The following TRIO variants were observed in gnomAD, a reference collection of about 807,000 sequenced individuals.
The protein encoded by TRIO is triple functional domain protein.
Under a neutral mutation model 351.9 loss-of-function variants are expected in TRIO, and 58 were observed. That is an observed-to-expected ratio of 0.16 (90% CI 0.13 to 0.21). TRIO has a LOEUF of 0.21. Among genes scored for constraint, TRIO ranks in the 10% least tolerant of loss-of-function variants. The probability of loss-of-function intolerance (pLI) is 1.00; values close to 1 mark genes in which losing one functional copy is unlikely to be tolerated. For synonymous variants in TRIO, 1,758 were observed against 1,595.7 expected, an observed-to-expected ratio of 1.10 and a Z score of -2.42; for missense variants, 3,201 against 4,027.8, an observed-to-expected ratio of 0.79 and a Z score of 5.56.
chr5:14,481,612 A>T lies in TRIO; in HGVS notation c.6459A>T (p.Gly2153=), dbSNP rs1247708936. The T allele has an allele frequency of 1.2e-6, 2 of 1,613,980 alleles. No individual in the cohort carries two copies. The highest frequency in any genetic ancestry group is 1.7e-6 in the Non-Finnish European group (2 of 1,179,968). ...NDMMNVGRLQ[G]FDGKIVAQGK... The stretch of plus-strand genomic sequence containing the variant: ...TGATGAACGTGGGGCGGCTGCAAGG[A>T]TTCGACGTAATGCGGCTCTTGTTTT... Residue 2153 remains glycine (G), a synonymous_variant, in exon 45 of 57, where the codon GGA becomes GGT. Coordinates refer to ENST00000344204, the MANE Select transcript of TRIO (RefSeq NM_007118.4).
intron 1 of TRIO, among the ~76,000 whole-genome samples, chr5:14,156,138 C>G (rs1460581947): frequency 6.6e-6 from 1 of 151,506 alleles, no homozygotes; most frequent in Admixed American, 6.5e-5. Flanking sequence ...CTAGTGGGAG[C>G]CCCTTCATCC....
intron 11 of TRIO, among the ~76,000 whole-genome samples, chr5:14,352,731 C>T (rs1005987892): frequency 5.3e-5 from 8 of 152,208 alleles, no homozygotes; most frequent in Non-Finnish European, 1.0e-4. Flanking sequence ...CCTTCTGCCT[C>T]ATTTAGTTTG....
At chr5:14,179,018 G>A (rs1789583943) in intron 1 of TRIO, among the ~76,000 whole-genome samples, 1 of 152,194 alleles carries the variant, frequency 6.6e-6, no homozygotes, top group Non-Finnish European at 1.5e-5. Flanking sequence ...GAGCTCAGAA[G>A]GGGGTCTTTG....
At chr5:14,149,351 A>G (rs891291610) in intron 1 of TRIO, among the ~76,000 whole-genome samples, 1 of 152,202 alleles carries the variant, frequency 6.6e-6, no homozygotes, top group Non-Finnish European at 1.5e-5. Context: ...TCTTGCTCTC[A>G]TGTTTAATGG....
At chr5:14,175,333 C>T (rs1421511287) in intron 1 of TRIO, among the ~76,000 whole-genome samples, 2 of 152,116 alleles carry the variant, frequency 1.3e-5, no homozygotes, top group Non-Finnish European at 1.5e-5. Context: ...TTCTAAAAGG[C>T]GTTTTCTAAT....
intron 1 of TRIO, among the ~76,000 whole-genome samples, chr5:14,203,542 T>A (rs192700932): frequency 2.0e-5 from 3 of 152,258 alleles, no homozygotes; most frequent in Non-Finnish European, 2.9e-5. Flanking sequence ...AGAGATCTTA[T>A]GTTCACCTGT....
At chr5:14,390,446 C>A in intron 26 of TRIO, 146 bp downstream of exon 26, 1 of 699,304 alleles carries the variant, frequency 1.4e-6, no homozygotes, top group Non-Finnish European at 2.4e-6. Flanking sequence ...CAAAGAATTG[C>A]ATACTTCAAC....
chr5:14,270,641 A>G (rs775600293), intron 1 of TRIO, among the ~76,000 whole-genome samples, 184 bp from the exon 2 acceptor site: 4 of 152,240 alleles, frequency 2.6e-5, no homozygotes, highest in Admixed American at 6.5e-5. Context: ...ATCATTAAAC[A>G]TTAAAATAGA....
chr5:14,206,955 A>G (rs1370925888), intron 1 of TRIO, among the ~76,000 whole-genome samples: 2 of 152,154 alleles, frequency 1.3e-5, no homozygotes, highest in Non-Finnish European at 2.9e-5. Context: ...TTTCTCTGTC[A>G]AGGGATGTAT....
At chr5:14,389,214 A>G in intron 24 of TRIO, 75 bp from the exon 25 acceptor site, 1 of 1,098,528 alleles carries the variant, frequency 9.1e-7, no homozygotes, top group Non-Finnish European at 1.3e-6. Flanking sequence ...CTGTGTGTTT[A>G]CAGATGTCAG....
intron 41 of TRIO, among the ~76,000 whole-genome samples, chr5:14,478,252 G>A (rs1160798629): frequency 6.6e-6 from 1 of 152,154 alleles, no homozygotes; most frequent in Non-Finnish European, 1.5e-5. Flanking sequence ...AAAGAATAAT[G>A]TTTACTCATC....
At chr5:14,328,198 C>T (rs552443906) in intron 9 of TRIO, among the ~76,000 whole-genome samples, 139 of 152,224 alleles carry the variant, frequency 9.1e-4, no homozygotes, top group African/African-American at 3.2e-3. Context: ...GTTAAAACAA[C>T]GCGCTCAATA....
intron 18 of TRIO, among the ~76,000 whole-genome samples, chr5:14,371,429 A>G (rs1194623955): frequency 2.0e-5 from 3 of 152,176 alleles, no homozygotes; most frequent in Non-Finnish European, 4.4e-5. Context: ...CTCCTTACCC[A>G]ACTTTTCTGA....
At chr5:14,400,496 A>G (rs1298431556) in intron 30 of TRIO, among the ~76,000 whole-genome samples, 4 of 152,216 alleles carry the variant, frequency 2.6e-5, no homozygotes, top group East Asian at 1.9e-4. Context: ...ATGAAATACT[A>G]AAAGCTAATG....
At chr5:14,304,739 A>ACC (rs1458087314) in intron 8 of TRIO, 147 bp downstream of exon 8, 1 of 953,144 alleles carries the variant, frequency 1.0e-6, no homozygotes, top group African/African-American at 1.7e-5. Context: ...TAGCATTTGA[A>ACC]CCCCTGTGTG....
intron 10 of TRIO, among the ~76,000 whole-genome samples, chr5:14,331,860 ATGTG>A (rs1414072029): frequency 6.6e-6 from 1 of 152,170 alleles, no homozygotes; most frequent in Non-Finnish European, 1.5e-5. Flanking sequence ...ATGCTAATTG[ATGTG>A]TATGTGTGGT....
chr5:14,411,397 C>T (rs758323535), intron 33 of TRIO, among the ~76,000 whole-genome samples: 3 of 152,044 alleles, frequency 2.0e-5, no homozygotes, highest in African/African-American at 4.8e-5. Context: ...GAAAAATGGC[C>T]GAGGCGAGAT....
intron 21 of TRIO, among the ~76,000 whole-genome samples, chr5:14,384,053 G>T (rs1746340386): frequency 6.6e-6 from 1 of 152,156 alleles, no homozygotes; most frequent in Non-Finnish European, 1.5e-5. Flanking sequence ...TTTCTCCACG[G>T]GTCTTGCAGG....
intron 43 of TRIO, 65 bp downstream of exon 43, chr5:14,480,076 T>G (rs554343541): frequency 3.1e-4 from 456 of 1,456,666 alleles, no homozygotes; most frequent in Non-Finnish European, 3.1e-4. Context: ...AAGACTCAGT[T>G]GGGGAAAGAA....
Sources: gnomAD v4.1 joint callset for allele counts (sites outside exome capture counted in the v4.1 genomes callset) on GRCh38, gnomAD v4.1.1 for gene constraint, MANE v1.5 for transcripts, NCBI Gene and HGNC (gene_info 2026-07-23, HGNC 2026-07-21) for gene names.